GON4L: variants seen among roughly 807,000 people sequenced by gnomAD.
GON4L encodes the protein gon-4 like.
A neutral mutation model predicts 211.8 loss-of-function variants in GON4L; 87 were observed. The ratio of observed to expected loss-of-function variants is 0.41; its 90% CI spans 0.35 to 0.49. The LOEUF is 0.49. Among genes scored for constraint, GON4L ranks in the 20% least tolerant of loss-of-function variants. GON4L has a pLI of 0.15. For missense variants in GON4L, 2,155 were observed against 2,659.5 expected (o/e 0.81, Z 4.17); for synonymous variants, 875 against 962.6 (o/e 0.91, Z 1.68).
At chr1:155,806,630 T>C (rs2102095811) in intron 10 of GON4L, among the ~76,000 whole-genome samples, 1 of 152,224 alleles carries the variant, frequency 6.6e-6, no homozygotes, top group East Asian at 1.9e-4. Context: ...TCAGGAGAAT[T>C]GCTTGGGTTT....
At chr1:155,796,018 A>G (rs573989620) in intron 11 of GON4L, among the ~76,000 whole-genome samples, 4 of 152,270 alleles carry the variant, frequency 2.6e-5, no homozygotes, top group Admixed American at 2.6e-4. Flanking sequence ...AAAATCTGAA[A>G]TCCAAAATAC....
At chr1:155,826,735 A>C in intron 3 of GON4L, 102 bp downstream of exon 3, 1 of 801,088 alleles carries the variant, frequency 1.2e-6, no homozygotes, top group Non-Finnish European at 2.1e-6. Context: ...TAAATTTGTA[A>C]AAATATAGTG....
rs377301037 is a variant in GON4L, at chr1:155,766,570, C to G, written c.2903G>C (p.Arg968Pro). 1.9e-6 allele frequency: 3 copies of G among 1,614,078 alleles called. No homozygotes were observed. Among genetic ancestry groups the G allele is most frequent in the Admixed American group, 1.7e-5 (1 of 60,002 alleles). The part of the protein sequence containing the change: ...KDNLELGSES[R>P]YPLLLPKGVV... ...ACCCTTAGGCAATAGCAGTGGGTAC[C>G]GAGATTCACTCCCCAACTCCAAATT... is the stretch of plus-strand genomic sequence containing the variant. The change falls in exon 21 of 32, where the codon CGG becomes CCG. Residue 968 changes from arginine (R) to proline (P), a missense_variant. By Grantham distance (103) the Arg-to-Pro change is moderately radical (BLOSUM62 -2). Transcript: ENST00000368331.
At chr1:155,833,269 A>G (rs1022476741) in intron 2 of GON4L, among the ~76,000 whole-genome samples, 2 of 152,044 alleles carry the variant, frequency 1.3e-5, no homozygotes, top group African/African-American at 4.8e-5. Flanking sequence ...AATTTCCTCC[A>G]GTTCCTTCTG....
At chr1:155,810,750 G>T (rs1571827900) in intron 10 of GON4L, among the ~76,000 whole-genome samples, 1 of 151,944 alleles carries the variant, frequency 6.6e-6, no homozygotes, top group South Asian at 2.1e-4. Context: ...CAGGCGCAGT[G>T]GCTCATGCCT....
At chr1:155,764,621 AAT>A in intron 21 of GON4L, 1 of 454,296 alleles carries the variant, frequency 2.2e-6, no homozygotes, top group Non-Finnish European at 4.0e-6. Flanking sequence ...TGTTATTTTT[AAT>A]ATAGATGGGG....
chr1:155,761,175 G>GTTTTTTT (rs921323729), intron 23 of GON4L, among the ~76,000 whole-genome samples: 7 of 109,540 alleles, frequency 6.4e-5, no homozygotes, highest in African/African-American at 1.1e-4. Flanking sequence ...CTTATGTGTG[G>GTTTTTTT]TTTTTTTTTT....
intron 3 of GON4L, 52 bp downstream of exon 3, chr1:155,826,782 ATAT>A: frequency 8.5e-7 from 1 of 1,179,584 alleles, no homozygotes; most frequent in Non-Finnish European, 1.3e-6. Flanking sequence ...AGTTTTCTAC[ATAT>A]TATACTTCAA....
chr1:155,815,825 C>A lies in GON4L; in HGVS notation c.1141G>T (p.Glu381Ter). Reference sequence around the variant, plus strand: ...CTGACCTCTTCAGCAGTTTCATCTTCTTCTTCATCATCCGGCTGGTATTCT... The same window carrying A: ...CTGACCTCTTCAGCAGTTTCATCTTATTCTTCATCATCCGGCTGGTATTCT... ...DEEYQPDDEE[E>*]DETAEESLLE... The change falls in exon 8 of 32, where the codon GAA (glutamate) becomes TAA (stop). Residue 381 changes from glutamate (E) to a stop codon, truncating the protein, a stop_gained. Transcript: ENST00000368331. LOFTEE classifies it high-confidence loss of function. 6.2e-7 allele frequency: 1 copy of A among 1,603,092 alleles called. No individual in the cohort carries two copies. Among genetic ancestry groups the A allele is most frequent in the Non-Finnish European group, 8.5e-7 (1 of 1,170,050 alleles).
chr1:155,767,621 G>A, intron 19 of GON4L, 80 bp from the exon 20 acceptor site: 1 of 1,507,378 alleles, frequency 6.6e-7, no homozygotes, highest in South Asian at 1.2e-5. Flanking sequence ...TGGGGTGGTG[G>A]TGGATCAAGA....
intron 3 of GON4L, among the ~76,000 whole-genome samples, 163 bp from the exon 4 acceptor site, chr1:155,822,639 C>G (rs540023385): frequency 6.6e-6 from 1 of 152,110 alleles, no homozygotes; most frequent in Non-Finnish European, 1.5e-5. Context: ...AAGTATAGAA[C>G]ATTTGCATAG....
chr1:155,800,481 T>TGAGAGGCGGAG, intron 11 of GON4L, among the ~76,000 whole-genome samples: 1 of 151,270 alleles, frequency 6.6e-6, no homozygotes, highest in South Asian at 2.1e-4. Context: ...CGCTTGAACC[T>TGAGAGGCGGAG]GAGAGGCGGA....
At chr1:155,858,127 A>C (rs1418448740), upstream of GON4L, among the ~76,000 whole-genome samples, 1 of 152,182 alleles carries the variant, frequency 6.6e-6, no homozygotes, top group East Asian at 1.9e-4. Flanking sequence ...AGTGTCCAGG[A>C]GGCTGCCTGG....
intron 3 of GON4L, among the ~76,000 whole-genome samples, chr1:155,823,375 T>C (rs911912376): frequency 2.6e-5 from 4 of 152,216 alleles, no homozygotes; most frequent in African/African-American, 4.8e-5. Context: ...AAATTCAATA[T>C]ATGAAAAAAC....
chr1:155,835,067 T>G (rs958070743), intron 2 of GON4L, among the ~76,000 whole-genome samples: 1 of 152,168 alleles, frequency 6.6e-6, no homozygotes, highest in Non-Finnish European at 1.5e-5. Context: ...ATTGAGAAAT[T>G]GGATGGTTGC....
intron 2 of GON4L, chr1:155,845,495 C>A: frequency 2.9e-6 from 1 of 339,686 alleles, no homozygotes. Context: ...TGTGCTTTTG[C>A]GGTCATGGCA....
intron 14 of GON4L, among the ~76,000 whole-genome samples, chr1:155,782,911 C>G (rs191754886): frequency 6.6e-6 from 1 of 151,976 alleles, no homozygotes; most frequent in African/African-American, 2.4e-5. Context: ...CCCCTGCCTC[C>G]GCCTCCCAAA....
chr1:155,795,497 G>T (rs865917684), intron 11 of GON4L, among the ~76,000 whole-genome samples: 33 of 152,282 alleles, frequency 2.2e-4, no homozygotes, highest in Middle Eastern at 3.4e-3. Context: ...AACAATTAGA[G>T]AATGACTATA....
At chr1:155,815,074 C>A (rs927039068) in intron 8 of GON4L, among the ~76,000 whole-genome samples, 6 of 152,100 alleles carry the variant, frequency 3.9e-5, no homozygotes, top group African/African-American at 1.4e-4. Context: ...ACATCGCACA[C>A]TGCACTCCAT....
Sources: allele counts gnomAD v4.1 joint callset (sites outside exome capture counted in the v4.1 genomes callset), GRCh38; gene constraint gnomAD v4.1.1; transcripts MANE v1.5; gene names NCBI Gene and HGNC (gene_info 2026-07-23, HGNC 2026-07-21).